TTBK2: variants seen among roughly 807,000 people sequenced by gnomAD.
TTBK2 encodes tau tubulin kinase 2, also known as tau-tubulin kinase 2.
A neutral mutation model predicts 110.8 loss-of-function variants in TTBK2; 28 were observed. That is an observed-to-expected ratio of 0.25 (90% CI 0.19 to 0.35). The LOEUF is 0.35. TTBK2 is among the 10% of genes least tolerant of loss of function. The probability of loss-of-function intolerance (pLI) is 1.00; values close to 1 mark genes in which losing one functional copy is unlikely to be tolerated. For missense variants in TTBK2, 1,369 were observed against 1,500.3 expected (o/e 0.91, Z 1.45); for synonymous variants, 532 against 527.3 (o/e 1.01, Z -0.12).
Position 42,907,521 on chromosome 15 carries a change from A to G in TTBK2, c.-68+12917T>C, listed in dbSNP as rs115128586. Among the ~76,000 whole-genome samples, 673 of 152,294 alleles carry G rather than the reference A, an allele frequency of 4.4e-3. 8 individuals are homozygous for G. The highest frequency in any genetic ancestry group is 0.016 in the African/African-American group (647 of 41,572). ...AATGCTGTTATTTGCAGTAACATGG[A>G]TGGAAATGAAGGCCATTACATTAAG... On this transcript the variant is annotated intron_variant, in intron 1 of 14. Coordinates refer to ENST00000267890, the MANE Select transcript of TTBK2 (RefSeq NM_173500.4).
At chr15:42,847,061 C>A (rs1486659781) in intron 3 of TTBK2, among the ~76,000 whole-genome samples, 1 of 152,058 alleles carries the variant, frequency 6.6e-6, no homozygotes, top group Non-Finnish European at 1.5e-5. Flanking sequence ...GTGAGCCATC[C>A]TAGCACGTTA....
chr15:42,780,489 T>C (rs1890138157), intron 11 of TTBK2, among the ~76,000 whole-genome samples: 1 of 151,886 alleles, frequency 6.6e-6, no homozygotes, highest in African/African-American at 2.4e-5. Flanking sequence ...ACTTTTAAGT[T>C]AAAAATAACT....
chr15:42,888,715 T>C (rs1465871237), intron 1 of TTBK2, among the ~76,000 whole-genome samples: 1 of 152,178 alleles, frequency 6.6e-6, no homozygotes, highest in Non-Finnish European at 1.5e-5. Flanking sequence ...CCTCCATCAT[T>C]GATGTCTCTT....
chr15:42,852,480 C>T (rs899077108), intron 3 of TTBK2, among the ~76,000 whole-genome samples: 1 of 152,198 alleles, frequency 6.6e-6, no homozygotes, highest in Non-Finnish European at 1.5e-5. Context: ...TCTGACTCCT[C>T]TGATTCTAAT....
chr15:42,847,184 GT>G (rs1893504062), intron 3 of TTBK2, among the ~76,000 whole-genome samples: 2 of 152,084 alleles, frequency 1.3e-5, no homozygotes, highest in African/African-American at 4.8e-5. Flanking sequence ...TTCTCCTAAT[GT>G]TTAGTCATGT....
chr15:42,885,231 G>A (rs1372233244), intron 1 of TTBK2, among the ~76,000 whole-genome samples: 1 of 152,186 alleles, frequency 6.6e-6, no homozygotes, highest in East Asian at 1.9e-4. Context: ...CGGGAGACCA[G>A]TCCCCTGTCC....
chr15:42,752,600 A>C lies in TTBK2; in HGVS notation c.2646T>G (p.Asp882Glu), dbSNP rs1486949368. 1 of 1,614,180 alleles carries C rather than the reference A, an allele frequency of 6.2e-7. No homozygotes were observed. Residue 882 changes from aspartate to glutamate, a missense_variant, in exon 14 of 15, where the codon GAT becomes GAG. This residue lies in a region of TTBK2 where 1,097 missense variants were observed against 1,114.7 expected (regional missense o/e 0.98). Coordinates refer to ENST00000267890, the MANE Select transcript of TTBK2 (RefSeq NM_173500.4). ...CTGGCAAGTCTTCACTCATGATGTCATCATCCTTAGATATCTTATTTTTTT... is the reference window on the plus strand; with the variant it reads ...CTGGCAAGTCTTCACTCATGATGTCCTCATCCTTAGATATCTTATTTTTTT... ...EMQKNKISKD[D>E]DIMSEDLPGH...
At chr15:42,897,123 C>A (rs564683628) in intron 1 of TTBK2, among the ~76,000 whole-genome samples, 1 of 151,998 alleles carries the variant, frequency 6.6e-6, no homozygotes, top group Non-Finnish European at 1.5e-5. Flanking sequence ...GTGATTCACC[C>A]GCCTCGGCCT....
In TTBK2 at chr15:42,871,238, A is replaced by G. The variant is rs186041641; in HGVS notation, c.217+1373T>C. On this transcript the variant is annotated intron_variant, in intron 3 of 14. Transcript: ENST00000267890. ...CTTAAGAATGGGATGTCATGTGGTT[A>G]TAAGCAGATAGGAAAAATATATTAG... Among the ~76,000 whole-genome samples the G allele has an allele frequency of 2.0e-3, 308 of 152,340 alleles. 1 individual carries two copies. The highest frequency in any genetic ancestry group is 3.4e-3 in the Middle Eastern group (1 of 294).
chr15:42,895,698 C>T (rs1246476684), intron 1 of TTBK2, among the ~76,000 whole-genome samples: 4 of 151,922 alleles, frequency 2.6e-5, no homozygotes, highest in Admixed American at 2.0e-4. Context: ...CCACCACGCC[C>T]AGCTAATTTT....
chr15:42,833,840 T>C (rs1567050275), intron 4 of TTBK2, among the ~76,000 whole-genome samples: 1 of 151,988 alleles, frequency 6.6e-6, no homozygotes, highest in African/African-American at 2.4e-5. Flanking sequence ...AAACCCCGTC[T>C]CTACTAAAAA....
At chr15:42,871,679 A>C in intron 3 of TTBK2, 4 of 689,318 alleles carry the variant, frequency 5.8e-6, no homozygotes, top group Non-Finnish European at 5.4e-6. Context: ...AGAAAAAGAA[A>C]GAGCCATCCT....
At chr15:42,828,593 C>T (rs914474843) in intron 5 of TTBK2, among the ~76,000 whole-genome samples, 1 of 151,276 alleles carries the variant, frequency 6.6e-6, no homozygotes. Flanking sequence ...TGCGGTGGCG[C>T]GCGCCTGTTA....
rs762624555 is a variant in TTBK2, at chr15:42,801,340, C to T, written c.823-6539G>A. The T allele has an allele frequency of 8.3e-6, 13 of 1,571,454 alleles. No homozygotes were observed. In the South Asian group the frequency reaches 8.9e-5, roughly 11 times the overall value. ...ATGTCTTGACTGGCTAGCTGCAGGG[C>T]GGCCTCCAGCTCAGACAGCTTGGCA... is the stretch of plus-strand genomic sequence containing the variant. On this transcript the variant is annotated intron_variant, in intron 9 of 14. Coordinates refer to ENST00000267890, the MANE Select transcript of TTBK2 (RefSeq NM_173500.4).
At chr15:42,889,515 G>A (rs2141160347) in intron 1 of TTBK2, among the ~76,000 whole-genome samples, 1 of 152,216 alleles carries the variant, frequency 6.6e-6, no homozygotes, top group South Asian at 2.1e-4. Flanking sequence ...CAATCTTCAG[G>A]AAAGGTAAAA....
chr15:42,786,343 G>A (rs1335464321), intron 10 of TTBK2, among the ~76,000 whole-genome samples: 1 of 152,110 alleles, frequency 6.6e-6, no homozygotes, highest in Non-Finnish European at 1.5e-5. Context: ...TGATAAAAGA[G>A]TCATAATGGA....
At chr15:42,776,774 G>A in intron 12 of TTBK2, 1 of 569,624 alleles carries the variant, frequency 1.8e-6, no homozygotes, top group Non-Finnish European at 3.1e-6. Context: ...CTAGTGTTAG[G>A]AAGTCATCAG....
chr15:42,813,911 T>A (rs1293341146), intron 7 of TTBK2, among the ~76,000 whole-genome samples: 1 of 151,906 alleles, frequency 6.6e-6, no homozygotes, highest in South Asian at 2.1e-4. Flanking sequence ...TTCTCAACAG[T>A]GACCCAAGAA....
At chr15:42,876,591 T>C (rs1390645835) in intron 2 of TTBK2, among the ~76,000 whole-genome samples, 1 of 152,138 alleles carries the variant, frequency 6.6e-6, no homozygotes, top group Non-Finnish European at 1.5e-5. Context: ...ACCATACAAA[T>C]AAAAAATAAA....
Sources: allele counts gnomAD v4.1 joint callset (sites outside exome capture counted in the v4.1 genomes callset), GRCh38; gene constraint gnomAD v4.1.1; regional missense constraint gnomAD v4.1.1; transcripts MANE v1.5; gene names NCBI Gene and HGNC (gene_info 2026-07-23, HGNC 2026-07-21).